DNER: variants seen among roughly 807,000 people sequenced by gnomAD.
DNER encodes the protein delta and Notch-like epidermal growth factor-related receptor.
Under a neutral mutation model 78.2 loss-of-function variants are expected in DNER, and 33 were observed. That is an observed-to-expected ratio of 0.42 (90% CI 0.32 to 0.56). The LOEUF (loss-of-function observed/expected upper bound fraction) is 0.56. DNER is among the 20% of genes least tolerant of loss of function. The probability of loss-of-function intolerance (pLI) is 0.11; values close to 1 mark genes in which losing one functional copy is unlikely to be tolerated. For missense variants in DNER, 918 were observed against 975.3 expected (o/e 0.94, Z 0.78); for synonymous variants, 417 against 384.8 (o/e 1.08, Z -0.98).
At chr2:229,420,368 C>T (rs1693739622) in intron 8 of DNER, among the ~76,000 whole-genome samples, 1 of 152,132 alleles carries the variant, frequency 6.6e-6, no homozygotes. Flanking sequence ...TCTGCCATTC[C>T]ATAGGTCACC....
rs147533378 is a variant in DNER at position 229,553,443 on chromosome 2, T to G, written c.848-6351A>C. Among the ~76,000 whole-genome samples, 81 of 152,264 alleles carry G rather than the reference T, an allele frequency of 5.3e-4. No homozygotes were observed. The East Asian group carries it at 0.015, about 28-fold the overall frequency. On this transcript the variant is annotated intron_variant, in intron 4 of 12. Transcript: ENST00000341772. ...TAGAGAGAAGGAAGCCCTGCGAAGA[T>G]GTCATCTCATGAGTGTTAGACAGAG...
chr2:229,612,535 C>T (rs1270782131), intron 1 of DNER, among the ~76,000 whole-genome samples: 1 of 152,228 alleles, frequency 6.6e-6, no homozygotes, highest in African/African-American at 2.4e-5. Context: ...CCCAGCTGTG[C>T]GTGAGAGCTG....
At chr2:229,546,011 G>T (rs1352466719) in intron 5 of DNER, among the ~76,000 whole-genome samples, 1 of 152,162 alleles carries the variant, frequency 6.6e-6, no homozygotes, top group African/African-American at 2.4e-5. Context: ...TGTACTACTG[G>T]ATATAATGAC....
intron 1 of DNER, among the ~76,000 whole-genome samples, chr2:229,623,275 G>A (rs1698282040): frequency 1.3e-5 from 2 of 151,942 alleles, no homozygotes; most frequent in South Asian, 4.2e-4. Flanking sequence ...AAGCTCTATG[G>A]TCCATAAGTG....
chr2:229,456,326 C>T (rs1437759337), intron 7 of DNER, among the ~76,000 whole-genome samples: 1 of 151,696 alleles, frequency 6.6e-6, no homozygotes, highest in Non-Finnish European at 1.5e-5. Context: ...CATGATGGAT[C>T]CCCGTGATCC....
At chr2:229,467,313 A>G (rs991109237) in intron 7 of DNER, among the ~76,000 whole-genome samples, 2 of 152,180 alleles carry the variant, frequency 1.3e-5, no homozygotes, top group African/African-American at 2.4e-5. Flanking sequence ...ATCTATCTTC[A>G]GCTGCCTTTT....
At chr2:229,498,010 TAGA>T (rs980167149) in intron 6 of DNER, among the ~76,000 whole-genome samples, 25 of 152,138 alleles carry the variant, frequency 1.6e-4, no homozygotes, top group African/African-American at 6.0e-4. Flanking sequence ...CTGATGAACA[TAGA>T]AGAAAAAATT....
At chr2:229,643,578 G>A (rs1009291014) in intron 1 of DNER, among the ~76,000 whole-genome samples, 1 of 152,186 alleles carries the variant, frequency 6.6e-6, no homozygotes, top group Non-Finnish European at 1.5e-5. Context: ...CCTTGGGTAG[G>A]TTACTTAGGC....
intron 1 of DNER, among the ~76,000 whole-genome samples, chr2:229,668,459 TAA>T (rs1699136680): frequency 1.4e-5 from 2 of 141,538 alleles, no homozygotes; most frequent in African/African-American, 5.3e-5. Flanking sequence ...TATATATATA[TAA>T]AAGAAGACAT....
chr2:229,420,204 A>G (rs1464203952), intron 8 of DNER, among the ~76,000 whole-genome samples: 1 of 152,094 alleles, frequency 6.6e-6, no homozygotes, highest in Non-Finnish European at 1.5e-5. Context: ...GTTGCAACAG[A>G]GACCATATGG....
intron 4 of DNER, among the ~76,000 whole-genome samples, chr2:229,572,559 G>C (rs1049415130): frequency 2.0e-5 from 3 of 152,130 alleles, no homozygotes; most frequent in Admixed American, 1.3e-4. Context: ...CAAACAGAGA[G>C]GCTACAGTGA....
intron 1 of DNER, among the ~76,000 whole-genome samples, chr2:229,661,488 C>T (rs1458284833): frequency 3.9e-5 from 6 of 152,120 alleles, no homozygotes; most frequent in Non-Finnish European, 7.4e-5. Flanking sequence ...AATTAACCTC[C>T]TTATGGACTG....
At chr2:229,370,910 C>A (rs1016815211) in intron 11 of DNER, among the ~76,000 whole-genome samples, 8 of 152,152 alleles carry the variant, frequency 5.3e-5, no homozygotes, top group African/African-American at 1.9e-4. Flanking sequence ...GAGTGCACAA[C>A]CACATGGCCA....
At chr2:229,439,767 G>A (rs1379999520) in intron 8 of DNER, among the ~76,000 whole-genome samples, 2 of 152,164 alleles carry the variant, frequency 1.3e-5, no homozygotes, top group Non-Finnish European at 2.9e-5. Context: ...GTGCTGGCAG[G>A]GCTGCAAAAC....
At chr2:229,369,226 G>C (rs1246049532) in intron 11 of DNER, among the ~76,000 whole-genome samples, 1 of 150,350 alleles carries the variant, frequency 6.7e-6, no homozygotes, top group Non-Finnish European at 1.5e-5. Flanking sequence ...TTAAAAAAAG[G>C]TTTTAACTTC....
chr2:229,694,325 G>T (rs961472100), intron 1 of DNER, among the ~76,000 whole-genome samples: 1 of 152,244 alleles, frequency 6.6e-6, no homozygotes, highest in Non-Finnish European at 1.5e-5. Context: ...TGGGGTCAGA[G>T]ACCCTGCACA....
intron 5 of DNER, among the ~76,000 whole-genome samples, chr2:229,523,959 T>G (rs372201823): frequency 2.6e-5 from 4 of 152,250 alleles, no homozygotes; most frequent in East Asian, 3.8e-4. Flanking sequence ...TTATCAGGCC[T>G]TCAATAAATG....
chr2:229,483,643 A>T (rs1308753529), intron 6 of DNER, among the ~76,000 whole-genome samples: 1 of 152,218 alleles, frequency 6.6e-6, no homozygotes, highest in Non-Finnish European at 1.5e-5. Flanking sequence ...AGATAATTTC[A>T]AATAGTCTTC....
rs967599730 is a variant in DNER, at chr2:229,452,965, C to G, written c.1262-5425G>C. Reference sequence around the variant, plus strand: ...TTTAAACTGTTGATAAATAATTTCTCCAGCAAATAAAGCATATGTATGGGC... The same window carrying G: ...TTTAAACTGTTGATAAATAATTTCTGCAGCAAATAAAGCATATGTATGGGC... On this transcript the variant is annotated intron_variant, in intron 7 of 12. Transcript: ENST00000341772. Among the ~76,000 whole-genome samples, 9 of 152,138 alleles carry G rather than the reference C, an allele frequency of 5.9e-5. 1 individual carries two copies. The highest frequency in any genetic ancestry group is 2.2e-4 in the African/African-American group (9 of 41,438).
Sources: allele counts gnomAD v4.1 joint callset (sites outside exome capture counted in the v4.1 genomes callset), GRCh38; gene constraint gnomAD v4.1.1; transcripts MANE v1.5; gene names NCBI Gene and HGNC (gene_info 2026-07-23, HGNC 2026-07-21).